The following CNTN4 variants were observed in gnomAD, a reference collection of about 807,000 sequenced individuals.
CNTN4 encodes contactin 4, also known as contactin-4.
Under a neutral mutation model 122.5 loss-of-function variants are expected in CNTN4, and 77 were observed. That is an observed-to-expected ratio of 0.63 (90% CI 0.52 to 0.76). The LOEUF is 0.76. Ranked by LOEUF, CNTN4 falls within the 30% of genes least tolerant of loss-of-function variation. The pLI is 0.00. For missense variants in CNTN4, 1,256 were observed against 1,259.1 expected, an observed-to-expected ratio of 1.00 and a Z score of 0.04; for synonymous variants, 512 against 447.0, an observed-to-expected ratio of 1.15 and a Z score of -1.83.
chr3:2,129,994 T>C (rs1368273571), intron 2 of CNTN4, among the ~76,000 whole-genome samples: 1 of 152,068 alleles, frequency 6.6e-6, no homozygotes, highest in Non-Finnish European at 1.5e-5. Context: ...CTATTTCTAC[T>C]GTGAACTGGA....
intron 12 of CNTN4, among the ~76,000 whole-genome samples, chr3:2,910,676 C>G (rs2094289982): frequency 1.3e-5 from 2 of 152,026 alleles, no homozygotes; most frequent in Non-Finnish European, 2.9e-5. Flanking sequence ...TTATCTACCC[C>G]AAGTTCTTTG....
intron 2 of CNTN4, among the ~76,000 whole-genome samples, chr3:2,142,921 A>C (rs1345196589): frequency 6.6e-6 from 1 of 152,246 alleles, no homozygotes; most frequent in Non-Finnish European, 1.5e-5. Context: ...ATTGCCAGGC[A>C]ATGACAGTGT....
At chr3:2,165,125 C>T (rs925655975) in intron 2 of CNTN4, among the ~76,000 whole-genome samples, 1 of 151,994 alleles carries the variant, frequency 6.6e-6, no homozygotes, top group Admixed American at 6.6e-5. Context: ...GAGGTCGAGA[C>T]CAGCCTGGCC....
chr3:2,626,896 C>G (rs1018234534), intron 4 of CNTN4, among the ~76,000 whole-genome samples: 40 of 152,232 alleles, frequency 2.6e-4, no homozygotes, highest in African/African-American at 9.4e-4. Context: ...TTTACCACAT[C>G]ACAGGGATGC....
chr3:2,453,496 G>A (rs2048900800), intron 3 of CNTN4, among the ~76,000 whole-genome samples: 1 of 152,090 alleles, frequency 6.6e-6, no homozygotes, highest in East Asian at 1.9e-4. Context: ...GAGTGAAGGA[G>A]TAAGGCACAA....
chr3:2,797,060 G>T (rs1016188588), intron 6 of CNTN4, among the ~76,000 whole-genome samples: 1 of 152,132 alleles, frequency 6.6e-6, no homozygotes, highest in Non-Finnish European at 1.5e-5. Context: ...GAGGGCAGGG[G>T]CATGATCAAA....
chr3:2,268,975 A>G (rs757633824), intron 2 of CNTN4, among the ~76,000 whole-genome samples: 1 of 152,112 alleles, frequency 6.6e-6, no homozygotes, highest in Non-Finnish European at 1.5e-5. Context: ...GCCGATCCAC[A>G]AGGTGGCAGG....
intron 3 of CNTN4, among the ~76,000 whole-genome samples, chr3:2,560,869 T>G (rs2078921502): frequency 6.6e-6 from 1 of 152,188 alleles, no homozygotes; most frequent in Non-Finnish European, 1.5e-5. Flanking sequence ...AAGGATAGAG[T>G]GCCGTAGTAG....
At chr3:2,649,010 C>CAAGGCCCTA (rs2083251214) in intron 4 of CNTN4, among the ~76,000 whole-genome samples, 1 of 152,186 alleles carries the variant, frequency 6.6e-6, no homozygotes, top group African/African-American at 2.4e-5. Context: ...TAATCCAAAG[C>CAAGGCCCTA]AAGGCCCTAA....
At chr3:2,185,255 T>C (rs1054403981) in intron 2 of CNTN4, among the ~76,000 whole-genome samples, 2 of 152,196 alleles carry the variant, frequency 1.3e-5, no homozygotes, top group African/African-American at 2.4e-5. Context: ...CTGTCTTCTT[T>C]GGGGCAGAAA....
chr3:3,031,353 T>C (rs1306664264), intron 16 of CNTN4, among the ~76,000 whole-genome samples: 1 of 152,202 alleles, frequency 6.6e-6, no homozygotes, highest in Non-Finnish European at 1.5e-5. Flanking sequence ...ATTAGTATCC[T>C]AGGCCACTGG....
At chr3:2,884,499 T>C (rs2093947500) in intron 9 of CNTN4, among the ~76,000 whole-genome samples, 2 of 152,170 alleles carry the variant, frequency 1.3e-5, no homozygotes, top group African/African-American at 4.8e-5. Flanking sequence ...ATTATAGGAT[T>C]GAACACTCTA....
At chr3:3,045,130 C>A (rs914030553) in intron 23 of CNTN4, among the ~76,000 whole-genome samples, 80 of 152,164 alleles carry the variant, frequency 5.3e-4, no homozygotes, top group Non-Finnish European at 8.8e-5. Flanking sequence ...AGGTAAATAG[C>A]GGCCTGGAAG....
At chr3:2,281,894 ACT>A in intron 2 of CNTN4, among the ~76,000 whole-genome samples, 1 of 151,954 alleles carries the variant, frequency 6.6e-6, no homozygotes, top group Non-Finnish European at 1.5e-5. Flanking sequence ...TTGGTGAACC[ACT>A]CTACTGACTC....
chr3:2,302,801 A>G (rs1559433202), intron 2 of CNTN4, among the ~76,000 whole-genome samples: 4 of 152,206 alleles, frequency 2.6e-5, no homozygotes, highest in Admixed American at 2.0e-4. Flanking sequence ...TGTCTCATCC[A>G]TAAGTTTATT....
At chr3:2,520,322 GA>G (rs2077167021) in intron 3 of CNTN4, among the ~76,000 whole-genome samples, 3 of 135,012 alleles carry the variant, frequency 2.2e-5, no homozygotes, top group Admixed American at 7.9e-5. Flanking sequence ...GCCCAGGCTG[GA>G]GTGCAGTGGC....
At position 2,885,913 on chromosome 3, in the gene CNTN4, C is replaced by T. The variant is rs572223586; in HGVS notation, c.756-1127C>T. 7.9e-5 allele frequency among the ~76,000 whole-genome samples: 12 copies of T among 152,260 alleles called. No individual in the cohort carries two copies. In the South Asian group the frequency reaches 1.2e-3, roughly 16 times the overall value. On this transcript the variant is annotated intron_variant, in intron 9 of 24. Coordinates refer to ENST00000418658, the MANE Select transcript of CNTN4 (RefSeq NM_175607.3). ...GACTGTTATCTGGAAGCCTTACGTA[C>T]GGCTTCTCCTTCCTGGCGGTCTCAA...
chr3:2,557,400 G>A (rs751226507), intron 3 of CNTN4, among the ~76,000 whole-genome samples: 61 of 152,282 alleles, frequency 4.0e-4, no homozygotes, highest in Non-Finnish European at 6.2e-4. Flanking sequence ...CATACAAGAA[G>A]TACAAAATTC....
At chr3:2,812,172 G>T (rs1319031330) in intron 6 of CNTN4, among the ~76,000 whole-genome samples, 1 of 152,016 alleles carries the variant, frequency 6.6e-6, no homozygotes, top group Non-Finnish European at 1.5e-5. Flanking sequence ...TAGCTAATGG[G>T]TACTAGGCTT....
Sources: allele counts gnomAD v4.1 joint callset (sites outside exome capture counted in the v4.1 genomes callset), GRCh38; gene constraint gnomAD v4.1.1; transcripts MANE v1.5; gene names NCBI Gene and HGNC (gene_info 2026-07-23, HGNC 2026-07-21).